NLGN1: variants seen among roughly 807,000 people sequenced by gnomAD.
NLGN1 encodes the protein neuroligin-1.
In NLGN1, 12 loss-of-function variants were observed where a neutral mutation model predicts 65.5. The observed-to-expected ratio is 0.18, with a 90% CI of 0.12 to 0.30. The LOEUF is 0.30. NLGN1 is among the 10% of genes least tolerant of loss of function. The pLI is 1.00. For missense variants in NLGN1, 750 were observed against 1,007.1 expected (o/e 0.74, Z 3.46); for synonymous variants, 350 against 359.5 (o/e 0.97, Z 0.30).
chr3:174,024,597 A>T (rs291946), intron 4 of NLGN1, among the ~76,000 whole-genome samples: 1 of 152,130 alleles, frequency 6.6e-6, no homozygotes, highest in Non-Finnish European at 1.5e-5. Flanking sequence ...CATCCAAGGC[A>T]TTTCTGAAAA....
chr3:174,130,968 C>G (rs954088133), intron 4 of NLGN1, among the ~76,000 whole-genome samples: 1 of 152,074 alleles, frequency 6.6e-6, no homozygotes, highest in East Asian at 1.9e-4. Context: ...GGGATATAAA[C>G]TTTTTTCTGT....
intron 4 of NLGN1, among the ~76,000 whole-genome samples, chr3:174,069,730 A>T (rs1739406477): frequency 6.6e-6 from 1 of 152,140 alleles, no homozygotes; most frequent in Non-Finnish European, 1.5e-5. Context: ...AAGATGAGGA[A>T]ATCATCTCAG....
intron 4 of NLGN1, among the ~76,000 whole-genome samples, chr3:174,227,034 CCTGGT>C (rs1739844804): frequency 6.6e-6 from 1 of 152,080 alleles, no homozygotes; most frequent in South Asian, 2.1e-4. Flanking sequence ...TAATTTTAGG[CCTGGT>C]CTAGTAAGGT....
downstream of NLGN1, among the ~76,000 whole-genome samples, chr3:174,287,144 C>T (rs1007318299): frequency 6.6e-6 from 1 of 151,238 alleles, no homozygotes; most frequent in African/African-American, 2.4e-5. Flanking sequence ...AAGTCTTGAT[C>T]AAATCATGTC....
intron 3 of NLGN1, among the ~76,000 whole-genome samples, chr3:173,680,950 A>G (rs1763864345): frequency 6.6e-6 from 1 of 152,168 alleles, no homozygotes; most frequent in Non-Finnish European, 1.5e-5. Flanking sequence ...GCTTCAGGCT[A>G]CATTTTTTTT....
intron 4 of NLGN1, among the ~76,000 whole-genome samples, chr3:173,920,358 A>C (rs907062282): frequency 1.3e-5 from 2 of 152,170 alleles, no homozygotes; most frequent in Admixed American, 1.3e-4. Context: ...CTCATAAAAT[A>C]ATGAAAACTA....
chr3:173,922,286 A>G (rs1210239958), intron 4 of NLGN1, among the ~76,000 whole-genome samples: 1 of 152,098 alleles, frequency 6.6e-6, no homozygotes, highest in Non-Finnish European at 1.5e-5. Flanking sequence ...AATAAGGCTA[A>G]TATAAGTTAT....
At chr3:173,778,319 C>G (rs1290142098) in intron 3 of NLGN1, among the ~76,000 whole-genome samples, 1 of 151,688 alleles carries the variant, frequency 6.6e-6, no homozygotes, top group African/African-American at 2.4e-5. Flanking sequence ...AGTATTTCTA[C>G]CATTGTTAAT....
chr3:173,487,318 T>C (rs920500965), intron 2 of NLGN1, among the ~76,000 whole-genome samples: 2 of 151,982 alleles, frequency 1.3e-5, no homozygotes, highest in African/African-American at 4.8e-5. Context: ...GGAGTTTTTT[T>C]TTATTATTTC....
intron 4 of NLGN1, among the ~76,000 whole-genome samples, chr3:174,210,299 C>T (rs1194724759): frequency 6.6e-6 from 1 of 152,160 alleles, no homozygotes; most frequent in Non-Finnish European, 1.5e-5. Flanking sequence ...TGTGTCTCCC[C>T]ATTGTGAAAG....
chr3:174,271,818 T>C (rs1210296088), intron 4 of NLGN1, among the ~76,000 whole-genome samples: 2 of 151,728 alleles, frequency 1.3e-5, no homozygotes, highest in African/African-American at 4.8e-5. Flanking sequence ...ACAATTGTAA[T>C]AGACACGTGA....
chr3:173,675,889 A>T (rs12636937), intron 3 of NLGN1, among the ~76,000 whole-genome samples: 64,406 of 105,134 alleles, frequency 0.61, 15,803 homozygotes, highest in Non-Finnish European at 0.68. Flanking sequence ...TCTCTCTCTC[A>T]CACACACACA....
intron 4 of NLGN1, among the ~76,000 whole-genome samples, chr3:174,265,018 C>T (rs1577680562): frequency 6.6e-6 from 1 of 152,218 alleles, no homozygotes; most frequent in African/African-American, 2.4e-5. Context: ...CAGGGACCCA[C>T]TTGAGGCAGT....
intron 3 of NLGN1, among the ~76,000 whole-genome samples, chr3:173,647,428 T>C (rs941661205): frequency 6.6e-6 from 1 of 152,172 alleles, no homozygotes; most frequent in East Asian, 1.9e-4. Context: ...TTTACCAAGA[T>C]AAGCAATATT....
chr3:173,517,369 C>T (rs1733971569), intron 2 of NLGN1, among the ~76,000 whole-genome samples: 1 of 152,018 alleles, frequency 6.6e-6, no homozygotes, highest in East Asian at 1.9e-4. Context: ...TCACTTCCCT[C>T]ACTCTCAGAA....
At chr3:173,709,156 A>G (rs574254706) in intron 3 of NLGN1, among the ~76,000 whole-genome samples, 1 of 152,316 alleles carries the variant, frequency 6.6e-6, no homozygotes, top group East Asian at 1.9e-4. Context: ...TTAGTGATTT[A>G]AAAATACCGA....
chr3:173,797,883 C>T (rs889002573), intron 3 of NLGN1, among the ~76,000 whole-genome samples: 1 of 152,046 alleles, frequency 6.6e-6, no homozygotes, highest in Non-Finnish European at 1.5e-5. Context: ...CTTACTGTTG[C>T]AACTCATGTA....
intron 3 of NLGN1, among the ~76,000 whole-genome samples, chr3:173,754,920 T>C (rs1357630416): frequency 6.6e-6 from 1 of 152,142 alleles, no homozygotes; most frequent in East Asian, 1.9e-4. Flanking sequence ...ATTTGTCACC[T>C]TCAATCACTC....
At chr3:173,772,847 C>T (rs1340772232) in intron 3 of NLGN1, among the ~76,000 whole-genome samples, 1 of 152,116 alleles carries the variant, frequency 6.6e-6, no homozygotes, top group Non-Finnish European at 1.5e-5. Flanking sequence ...CTGCCAGACT[C>T]CTCCTCCTAA....
Sources: gnomAD v4.1 joint callset for allele counts (sites outside exome capture counted in the v4.1 genomes callset) on GRCh38, gnomAD v4.1.1 for gene constraint, MANE v1.5 for transcripts, NCBI Gene and HGNC (gene_info 2026-07-23, HGNC 2026-07-21) for gene names.